The following SCTR variants were observed in gnomAD, a reference collection of about 807,000 sequenced individuals.
The protein encoded by SCTR is secretin receptor.
A neutral mutation model predicts 60.8 loss-of-function variants in SCTR; 56 were observed. That is an observed-to-expected ratio of 0.92 (90% CI 0.74 to 1.15). The LOEUF (loss-of-function observed/expected upper bound fraction) is 1.15, where lower values mean the gene tolerates loss of function less well. Ranked by LOEUF, SCTR falls within the 50% of genes most tolerant of loss-of-function variation. The pLI is 0.00. For missense variants in SCTR, 562 were observed against 550.4 expected (o/e 1.02, Z -0.21); for synonymous variants, 202 against 217.0 (o/e 0.93, Z 0.61).
At chr2:119,509,438 A>T (rs139658762) in intron 1 of SCTR, among the ~76,000 whole-genome samples, 1 of 152,324 alleles carries the variant, frequency 6.6e-6, no homozygotes, top group East Asian at 1.9e-4. Flanking sequence ...GTAGATGTCA[A>T]TTTCCACTGT....
intron 1 of SCTR, among the ~76,000 whole-genome samples, chr2:119,510,465 G>T (rs906837063): frequency 6.6e-6 from 1 of 152,060 alleles, no homozygotes; most frequent in Non-Finnish European, 1.5e-5. Context: ...TGGCTCCTTG[G>T]AGCAACCACC....
intron 10 of SCTR, among the ~76,000 whole-genome samples, chr2:119,447,749 T>G (rs1357110337): frequency 6.6e-6 from 1 of 152,164 alleles, no homozygotes; most frequent in Non-Finnish European, 1.5e-5. Flanking sequence ...TTTTTGTATT[T>G]TTAGCAAAGA....
chr2:119,473,009 C>T (rs1425893817), intron 4 of SCTR, among the ~76,000 whole-genome samples: 5 of 152,192 alleles, frequency 3.3e-5, no homozygotes, highest in African/African-American at 4.8e-5. Flanking sequence ...GTTCTCTTGA[C>T]AAGCCTATGT....
At chr2:119,467,035 T>C (rs1683864011) in intron 4 of SCTR, among the ~76,000 whole-genome samples, 1 of 152,178 alleles carries the variant, frequency 6.6e-6, no homozygotes, top group South Asian at 2.1e-4. Context: ...CACTTCACAC[T>C]ATTGGCTCAT....
intron 3 of SCTR, among the ~76,000 whole-genome samples, chr2:119,474,699 A>C (rs922712798): frequency 6.6e-6 from 1 of 152,188 alleles, no homozygotes; most frequent in African/African-American, 2.4e-5. Flanking sequence ...ACAGTGCCCC[A>C]CTGAAGGAGG....
intron 6 of SCTR, among the ~76,000 whole-genome samples, chr2:119,462,609 A>C (rs1376376428): frequency 6.6e-6 from 1 of 152,202 alleles, no homozygotes; most frequent in Non-Finnish European, 1.5e-5. Context: ...GATCCCCGGA[A>C]GTTATGCCTG....
At chr2:119,518,376 AT>A (rs553970080) in intron 1 of SCTR, among the ~76,000 whole-genome samples, 2 of 144,254 alleles carry the variant, frequency 1.4e-5, no homozygotes, top group African/African-American at 5.8e-5. Flanking sequence ...GAGGTGAGAA[AT>A]TTGAAAGACA....
At chr2:119,441,809 T>G (rs1682667508) in intron 11 of SCTR, 1 of 555,650 alleles carries the variant, frequency 1.8e-6, no homozygotes. Flanking sequence ...AACTGTGAAC[T>G]CCTTGCAGCC....
chr2:119,509,016 C>T (rs1260613660), intron 1 of SCTR, among the ~76,000 whole-genome samples: 2 of 152,182 alleles, frequency 1.3e-5, no homozygotes, highest in African/African-American at 2.4e-5. Flanking sequence ...GGTCTCAACG[C>T]CCTATGGGGT....
chr2:119,514,942 ATTACTTGCC>A (rs1679066029), intron 1 of SCTR, among the ~76,000 whole-genome samples: 1 of 152,234 alleles, frequency 6.6e-6, no homozygotes, highest in Non-Finnish European at 1.5e-5. Flanking sequence ...ACACTTTATA[ATTACTTGCC>A]TAACAACCAG....
chr2:119,502,141 A>G (rs1008235842), intron 1 of SCTR, among the ~76,000 whole-genome samples: 6 of 152,202 alleles, frequency 3.9e-5, no homozygotes, highest in African/African-American at 1.4e-4. Flanking sequence ...CCGTAGTCCC[A>G]GATACTTGGA....
At chr2:119,463,078 C>CAA (rs1683681786) in intron 6 of SCTR, among the ~76,000 whole-genome samples, 1 of 148,754 alleles carries the variant, frequency 6.7e-6, no homozygotes, top group Non-Finnish European at 1.5e-5. Context: ...CACACACACA[C>CAA]ACACACACAA....
At chr2:119,443,836 C>T (rs562077087) in intron 11 of SCTR, among the ~76,000 whole-genome samples, 26 of 152,180 alleles carry the variant, frequency 1.7e-4, no homozygotes, top group Non-Finnish European at 3.1e-4. Flanking sequence ...CGTGAGCCCC[C>T]GCGCCCGGCC....
intron 2 of SCTR, among the ~76,000 whole-genome samples, chr2:119,491,022 C>T (rs1429896366): frequency 6.6e-6 from 1 of 152,198 alleles, no homozygotes; most frequent in African/African-American, 2.4e-5. Flanking sequence ...CTTCTCTTCC[C>T]TGTCTCGGTT....
chr2:119,472,789 G>C (rs886488643), intron 4 of SCTR, among the ~76,000 whole-genome samples: 1 of 151,962 alleles, frequency 6.6e-6, no homozygotes, highest in African/African-American at 2.4e-5. Context: ...CTATAGGCAC[G>C]CACCACCACG....
chr2:119,478,686 CCCCCATCATTGTA>C, intron 3 of SCTR, 112 bp downstream of exon 3: 1 of 775,002 alleles, frequency 1.3e-6, no homozygotes, highest in Non-Finnish European at 2.1e-6. Flanking sequence ...GCAGTGATCT[CCCCCATCATTGTA>C]CCCATACTTG....
chr2:119,452,201 C>T, intron 8 of SCTR, 122 bp from the exon 9 acceptor site: 1 of 664,986 alleles, frequency 1.5e-6, no homozygotes, highest in Non-Finnish European at 2.8e-6. Context: ...GCACTGAGCC[C>T]CTGCAGTGGT....
At chr2:119,440,882 A>T (rs1013827738) in intron 12 of SCTR, among the ~76,000 whole-genome samples, 2 of 152,214 alleles carry the variant, frequency 1.3e-5, no homozygotes, top group African/African-American at 4.8e-5. Context: ...TAGGCTTGAT[A>T]TTTGATTTTT....
Position 119,524,157 on chromosome 2 carries a change from A to C in SCTR, c.70T>G (p.Ser24Ala). Residue 24 changes from serine (S) to alanine (A), a missense_variant and splice_region_variant, in exon 1 of 13, where the codon TCG becomes GCG. By Grantham distance (99) the Ser-to-Ala change is moderately conservative. Coordinates refer to ENST00000019103, the MANE Select transcript of SCTR (RefSeq NM_002980.3). ...CTGCAGAAGGGCGCAGTACTCACCG[A>C]GTGCGCGGCGCAGGCGAGCAGCACC... ...LPVLLACAAH[S>A]TGALPRLCDV... 6.5e-7 allele frequency: 1 copy of C among 1,538,624 alleles called. No homozygotes were observed. The highest frequency in any genetic ancestry group is 1.4e-5 in the African/African-American group (1 of 71,560).
Sources: allele counts gnomAD v4.1 joint callset (sites outside exome capture counted in the v4.1 genomes callset), GRCh38; gene constraint gnomAD v4.1.1; transcripts MANE v1.5; gene names NCBI Gene and HGNC (gene_info 2026-07-23, HGNC 2026-07-21).